The following PHF6 variants were observed in gnomAD, a reference collection of about 807,000 sequenced individuals.
PHF6 encodes the protein PHD finger protein 6, also known as PHD-like zinc finger protein.
PHF6 carries 7 observed loss-of-function variants against 34.0 expected under a neutral mutation model. The observed-to-expected ratio is 0.21, with a 90% CI of 0.12 to 0.39. The LOEUF is 0.39. Among genes scored for constraint, PHF6 ranks in the 10% least tolerant of loss-of-function variants. The pLI, the probability that PHF6 is intolerant of heterozygous loss-of-function variation, is 1.00. For synonymous variants in PHF6, 89 were observed against 88.4 expected (o/e 1.01, Z -0.04); for missense variants, 128 against 262.8 (o/e 0.49, Z 3.55).
At chrX:134,390,781 C>G (rs769813089) in intron 3 of PHF6, among the ~76,000 whole-genome samples, 2 of 110,884 alleles carry the variant, frequency 1.8e-5, no homozygotes, top group Non-Finnish European at 3.8e-5. Flanking sequence ...TTTAAAGAAT[C>G]TATGTTATAA....
intron 5 of PHF6, among the ~76,000 whole-genome samples, chrX:134,412,196 T>G (rs1179052858): frequency 8.9e-6 from 1 of 112,601 alleles, no homozygotes; most frequent in South Asian, 3.6e-4. Context: ...GTTATTCACG[T>G]GAATTTATTT....
chrX:134,426,501 C>G lies in PHF6; in HGVS notation c.*841C>G, dbSNP rs1328125876. 6.1e-6 allele frequency: 1 copy of G among 162,682 alleles called. No homozygotes were observed. The highest frequency in any genetic ancestry group is 3.0e-5 in the African/African-American group (1 of 33,351). 13.4% of individuals were successfully genotyped at this position (162,682 alleles called of 1,213,427 possible). A position where few individuals can be genotyped will look rare whatever the true frequency, so the allele number is the denominator to read the frequency against. ...AAGTGCCCTGTTGTGTGGAACACTT[C>G]ACATATTGGCGCACAGTACGTAAGG... On this transcript the variant is annotated 3_prime_UTR_variant, in exon 11 of 11. Coordinates refer to ENST00000370803, the MANE Select transcript of PHF6 (RefSeq NM_001015877.2).
intron 3 of PHF6, among the ~76,000 whole-genome samples, chrX:134,386,476 T>C (rs974378097): frequency 9.2e-6 from 1 of 108,595 alleles, no homozygotes; most frequent in African/African-American, 3.4e-5. Flanking sequence ...AGTTGTGTGA[T>C]CTTGGCTCAC....
intron 5 of PHF6, among the ~76,000 whole-genome samples, chrX:134,409,269 T>C (rs150307795): frequency 0.011 from 1,285 of 111,777 alleles, 21 homozygotes; most frequent in African/African-American, 0.039. Flanking sequence ...TGTGCCATTA[T>C]GTCTTTTCCA....
chrX:134,424,651 G>A (rs1391551826), intron 9 of PHF6, among the ~76,000 whole-genome samples: 1 of 111,958 alleles, frequency 8.9e-6, no homozygotes, highest in East Asian at 2.8e-4. Flanking sequence ...GACCAGTCTA[G>A]ATTAAAAGAG....
chrX:134,373,689 C>T (rs1015055039), intron 1 of PHF6, among the ~76,000 whole-genome samples: 3 of 111,859 alleles, frequency 2.7e-5, no homozygotes, highest in Admixed American at 9.4e-5. Context: ...GTTAGGCTTA[C>T]GCCTAGACTT....
intron 3 of PHF6, among the ~76,000 whole-genome samples, chrX:134,380,901 A>T (rs2077304418): frequency 8.9e-6 from 1 of 111,918 alleles, no homozygotes; most frequent in African/African-American, 3.2e-5. Flanking sequence ...CCCAGGCTGG[A>T]GTGCAGTGGT....
rs747472591 is a variant in PHF6, at chrX:134,391,373, TA to T, written c.241-2127del. 4.5e-5 allele frequency among the ~76,000 whole-genome samples: 5 copies of T among 112,229 alleles called. No homozygotes were observed. The East Asian group carries it at 1.4e-3, about 31-fold the overall frequency. Reference sequence around the variant, plus strand: ...TGTGCATTAATTGCTTGAGTGTGATTATTTTTTAGACTAGGTTTATAGAGTA... The same window carrying T: ...TGTGCATTAATTGCTTGAGTGTGATTTTTTTTAGACTAGGTTTATAGAGTA... On this transcript the variant is annotated intron_variant, in intron 3 of 10. Transcript: ENST00000370803.
rs2077334729 is a variant in PHF6, at chrX:134,386,983, G to C, written c.241-6518G>C. 2.7e-5 allele frequency among the ~76,000 whole-genome samples: 3 copies of C among 111,611 alleles called. No homozygotes were observed. In the South Asian group the frequency reaches 1.1e-3, roughly 42 times the overall value. On this transcript the variant is annotated intron_variant, in intron 3 of 10. Transcript: ENST00000370803. ...ATGCCTTCTGTAGGGAGGAAAAGAG[G>C]TAACTTTTCTTCCTGAAGATTTATT...
At chrX:134,425,058 G>A (rs1441181762) in intron 9 of PHF6, 143 bp from the exon 10 acceptor site, 5 of 662,086 alleles carry the variant, frequency 7.6e-6, no homozygotes, top group South Asian at 2.6e-5. Context: ...AAATGGGTCT[G>A]TAACTAATTG....
At position 134,378,078 on chromosome X, in the gene PHF6, A is replaced by G. The variant is rs200498373; in HGVS notation, c.212A>G (p.Gln71Arg). 2 of 1,199,733 alleles carry G rather than the reference A, an allele frequency of 1.7e-6. No individual in the cohort carries two copies. The highest frequency in any genetic ancestry group is 3.0e-5 in the East Asian group (1 of 33,525). ...SLGGFSIEDVQKEIKRGTKLM... is the reference protein window; with the variant it reads ...SLGGFSIEDVRKEIKRGTKLM... ...GGTGGATTTTCTATTGAAGATGTCC[A>G]AAAGGAAATTAAAAGAGGCACGAAG... Residue 71 changes from glutamine (Q) to arginine (R), a missense_variant, in exon 3 of 11, where the codon CAA (glutamine) becomes CGA (arginine). Gln to Arg is a conservative substitution (Grantham distance 43). This residue lies in a region of PHF6 where 97 missense variants were observed against 152.9 expected (regional missense o/e 0.63). Coordinates refer to ENST00000370803, the MANE Select transcript of PHF6 (RefSeq NM_001015877.2).
In PHF6 at chrX:134,427,037, A is replaced by G; in HGVS notation, c.*1377A>G. On this transcript the variant is annotated 3_prime_UTR_variant, in exon 11 of 11. Transcript: ENST00000370803. ...AGCATTTTAAAAATGTAACAGGTGG[A>G]AAATTACACTGTGCTTAATGACTGA... 1 of 159,662 alleles carries G rather than the reference A, an allele frequency of 6.3e-6. No homozygotes were observed. The highest frequency in any genetic ancestry group is 1.2e-5 in the Non-Finnish European group (1 of 84,124). 13.2% of individuals were successfully genotyped at this position (159,662 alleles called of 1,213,427 possible). A position where few individuals can be genotyped will look rare whatever the true frequency, so the allele number is the denominator to read the frequency against.
chrX:134,381,521 T>A (rs1424772756), intron 3 of PHF6, among the ~76,000 whole-genome samples: 12 of 104,553 alleles, frequency 1.1e-4, no homozygotes, highest in Non-Finnish European at 5.9e-5. Flanking sequence ...TGAGATGGAG[T>A]TTCGCTCTTG....
chrX:134,378,191 T>C, intron 3 of PHF6, 85 bp downstream of exon 3: 2 of 573,989 alleles, frequency 3.5e-6, no homozygotes, highest in Non-Finnish European at 5.6e-6. Context: ...TGTATTGCAT[T>C]ATTAACTGAG....
At chrX:134,400,622 G>A (rs2077399332) in intron 5 of PHF6, among the ~76,000 whole-genome samples, 1 of 110,499 alleles carries the variant, frequency 9.0e-6, no homozygotes, top group Non-Finnish European at 1.9e-5. Flanking sequence ...TGTAGCAAAA[G>A]GTGTGAGGGT....
At chrX:134,383,132 C>CAA (rs1018979046) in intron 3 of PHF6, among the ~76,000 whole-genome samples, 3 of 110,186 alleles carry the variant, frequency 2.7e-5, no homozygotes, top group Admixed American at 1.9e-4. Flanking sequence ...CCTAGCTACT[C>CAA]AAGAGGCTGA....
intron 5 of PHF6, among the ~76,000 whole-genome samples, chrX:134,394,325 G>A (rs1194489606): frequency 9.1e-6 from 1 of 109,993 alleles, no homozygotes; most frequent in Non-Finnish European, 1.9e-5. Flanking sequence ...ATAGAGATGG[G>A]GTTTCACTGT....
intron 5 of PHF6, among the ~76,000 whole-genome samples, chrX:134,411,938 T>C (rs1188968005): frequency 9.0e-6 from 1 of 111,630 alleles, no homozygotes; most frequent in Non-Finnish European, 1.9e-5. Flanking sequence ...TTCACCATAT[T>C]GGCCAGACTG....
intron 3 of PHF6, among the ~76,000 whole-genome samples, chrX:134,381,557 C>T (rs1034762788): frequency 1.9e-5 from 2 of 106,720 alleles, no homozygotes; most frequent in East Asian, 2.9e-4. Context: ...TGCAATGGCG[C>T]GATCTCGGCT....
Sources: gnomAD v4.1 joint callset for allele counts (sites outside exome capture counted in the v4.1 genomes callset) on GRCh38, gnomAD v4.1.1 for gene constraint, gnomAD v4.1.1 regional missense constraint, MANE v1.5 for transcripts, NCBI Gene and HGNC (gene_info 2026-07-23, HGNC 2026-07-21) for gene names.